Variants in CTNNA2 observed in about 807,000 individuals in gnomAD.
CTNNA2 encodes catenin alpha 2, also known as catenin alpha-2.
CTNNA2 carries 42 observed loss-of-function variants against 101.0 expected under a neutral mutation model. That is an observed-to-expected ratio of 0.42 (90% confidence interval 0.32 to 0.54). The LOEUF is 0.54. CTNNA2 is among the 20% of genes least tolerant of loss of function. The pLI is 0.14. For missense variants in CTNNA2, 871 were observed against 1,223.1 expected (o/e 0.71, Z 4.29); for synonymous variants, 450 against 456.4 (o/e 0.99, Z 0.18).
chr2:80,133,446 C>T (rs974537391), intron 7 of CTNNA2, among the ~76,000 whole-genome samples: 2 of 152,008 alleles, frequency 1.3e-5, no homozygotes, highest in African/African-American at 4.8e-5. Context: ...TTTTATTTAA[C>T]TCATAATATG....
chr2:80,275,207 A>G (rs1217068639), intron 7 of CTNNA2, among the ~76,000 whole-genome samples: 1 of 152,196 alleles, frequency 6.6e-6, no homozygotes, highest in Non-Finnish European at 1.5e-5. Flanking sequence ...CCAAAACTAG[A>G]GAGAACAAAA....
intron 4 of CTNNA2, among the ~76,000 whole-genome samples, chr2:79,445,459 A>G (rs976793547): frequency 6.6e-6 from 1 of 152,200 alleles, no homozygotes; most frequent in Non-Finnish European, 1.5e-5. Context: ...CTGAGCCTCA[A>G]AGTGATTTGG....
rs1012500750 is a variant in CTNNA2, at chr2:79,265,087, C to T, written c.-405-47622C>T. Among the ~76,000 whole-genome samples the T allele has an allele frequency of 3.3e-5, 5 of 152,238 alleles. No homozygotes were observed. In the East Asian group the frequency reaches 9.7e-4, roughly 29 times the overall value. On this transcript the variant is annotated intron_variant, in intron 2 of 21. Transcript: ENST00000466387. ...CCATATTAACATGCTTCCAGTGTAA[C>T]AGTATTGAATTTTGAGGAACCATTT...
chr2:79,386,626 A>G (rs1169611971), intron 4 of CTNNA2, among the ~76,000 whole-genome samples: 1 of 152,180 alleles, frequency 6.6e-6, no homozygotes, highest in African/African-American at 2.4e-5. Flanking sequence ...GCCTTACTTA[A>G]CTATTTTATT....
intron 4 of CTNNA2, among the ~76,000 whole-genome samples, chr2:79,858,893 A>G (rs759269248): frequency 6.6e-6 from 1 of 151,652 alleles, no homozygotes; most frequent in African/African-American, 2.4e-5. Flanking sequence ...CTTTAATGGA[A>G]TAGTGATTAA....
intron 4 of CTNNA2, among the ~76,000 whole-genome samples, chr2:79,450,629 C>T (rs187808526): frequency 5.0e-4 from 76 of 152,006 alleles, no homozygotes; most frequent in Non-Finnish European, 8.5e-4. Context: ...TCATTGTCAT[C>T]GGTAGGTTCT....
At chr2:80,166,301 A>C (rs1704689785) in intron 7 of CTNNA2, among the ~76,000 whole-genome samples, 1 of 152,130 alleles carries the variant, frequency 6.6e-6, no homozygotes, top group Non-Finnish European at 1.5e-5. Context: ...TTTCACCCCC[A>C]CTCTACTTTC....
chr2:79,948,365 C>A (rs1487279188), intron 7 of CTNNA2, among the ~76,000 whole-genome samples: 1 of 152,106 alleles, frequency 6.6e-6, no homozygotes, highest in African/African-American at 2.4e-5. Context: ...AAGAGGAATA[C>A]CACGTCATTA....
intron 3 of CTNNA2, among the ~76,000 whole-genome samples, chr2:79,788,020 G>T (rs189877726): frequency 6.6e-6 from 1 of 152,082 alleles, no homozygotes; most frequent in Non-Finnish European, 1.5e-5. Flanking sequence ...AGATGAATGC[G>T]AAAGAAGTTA....
At chr2:79,601,974 AC>A (rs1677582940) in intron 1 of CTNNA2, among the ~76,000 whole-genome samples, 1 of 152,246 alleles carries the variant, frequency 6.6e-6, no homozygotes, top group South Asian at 2.1e-4. Context: ...AAATCATCTA[AC>A]ACAAAGCCTG....
chr2:79,459,651 C>G (rs900248444), intron 4 of CTNNA2, among the ~76,000 whole-genome samples: 12 of 152,274 alleles, frequency 7.9e-5, no homozygotes, highest in Admixed American at 7.8e-4. Flanking sequence ...TGCTCTCTCT[C>G]CGGCAGCTCT....
chr2:79,942,714 G>T (rs1457161169), intron 7 of CTNNA2, among the ~76,000 whole-genome samples: 5 of 152,144 alleles, frequency 3.3e-5, no homozygotes, highest in African/African-American at 1.2e-4. Flanking sequence ...CCCAGTAAGT[G>T]GTGGAGTTGG....
intron 7 of CTNNA2, among the ~76,000 whole-genome samples, chr2:80,204,121 C>T (rs1035082826): frequency 6.6e-6 from 1 of 152,192 alleles, no homozygotes; most frequent in Admixed American, 6.5e-5. Flanking sequence ...TCATTTTTTC[C>T]TCCTAAACCT....
chr2:79,594,552 C>T (rs540962253), intron 1 of CTNNA2, among the ~76,000 whole-genome samples: 18 of 152,222 alleles, frequency 1.2e-4, no homozygotes, highest in African/African-American at 4.3e-4. Flanking sequence ...TCATTACTGC[C>T]TATTTTATTA....
At chr2:80,250,398 G>A (rs1209101426) in intron 7 of CTNNA2, among the ~76,000 whole-genome samples, 3 of 152,172 alleles carry the variant, frequency 2.0e-5, no homozygotes, top group Non-Finnish European at 4.4e-5. Flanking sequence ...ATATAAGTCT[G>A]CAGAGATGTT....
intron 9 of CTNNA2, among the ~76,000 whole-genome samples, chr2:80,518,134 A>G (rs1689246774): frequency 6.6e-6 from 1 of 152,334 alleles, no homozygotes; most frequent in African/African-American, 2.4e-5. Context: ...TGATTTGACA[A>G]TTTGAAATCT....
chr2:79,714,132 A>T (rs1357841369), intron 2 of CTNNA2, among the ~76,000 whole-genome samples: 6 of 152,068 alleles, frequency 3.9e-5, no homozygotes, highest in Non-Finnish European at 7.4e-5. Flanking sequence ...AACAGGGCTC[A>T]TTTCCAAACA....
chr2:79,996,454 A>T (rs1404091712), intron 7 of CTNNA2, among the ~76,000 whole-genome samples: 1 of 152,186 alleles, frequency 6.6e-6, no homozygotes, highest in African/African-American at 2.4e-5. Flanking sequence ...TCTGATTATG[A>T]AGCAGAAAAA....
At chr2:80,513,880 A>G (rs1235731548) in intron 9 of CTNNA2, among the ~76,000 whole-genome samples, 2 of 152,172 alleles carry the variant, frequency 1.3e-5, no homozygotes, top group Non-Finnish European at 1.5e-5. Context: ...CCCTCTGCAT[A>G]ATAGATGGAT....
Sources: allele counts gnomAD v4.1 joint callset (sites outside exome capture counted in the v4.1 genomes callset), GRCh38; gene constraint gnomAD v4.1.1; transcripts MANE v1.5; gene names NCBI Gene and HGNC (gene_info 2026-07-23, HGNC 2026-07-21).